The following VWA3B variants were observed in gnomAD, a reference collection of about 807,000 sequenced individuals.
VWA3B encodes the protein von Willebrand factor A domain containing 3B, also known as von Willebrand factor A domain-containing protein 3B.
Under a neutral mutation model 158.3 loss-of-function variants are expected in VWA3B, and 138 were observed. The ratio of observed to expected loss-of-function variants is 0.87; its 90% CI spans 0.76 to 1.00. The LOEUF (loss-of-function observed/expected upper bound fraction) is 1.00. Among genes scored for constraint, VWA3B ranks in the 50% least tolerant of loss-of-function variants. The probability of loss-of-function intolerance (pLI) is 0.00; values close to 1 mark genes in which losing one functional copy is unlikely to be tolerated. For synonymous variants in VWA3B, 596 were observed against 587.3 expected (o/e 1.01, Z -0.21); for missense variants, 1,555 against 1,565.1 (o/e 0.99, Z 0.11).
chr2:98,156,433 A>T (rs975227325), intron 7 of VWA3B, among the ~76,000 whole-genome samples: 2 of 152,184 alleles, frequency 1.3e-5, no homozygotes, highest in African/African-American at 4.8e-5. Context: ...CACGCACACA[A>T]CCATCCTCAC....
chr2:98,158,766 A>G (rs1678320478), intron 7 of VWA3B, among the ~76,000 whole-genome samples: 1 of 151,910 alleles, frequency 6.6e-6, no homozygotes, highest in Admixed American at 6.6e-5. Flanking sequence ...GGGTGGGTGC[A>G]GCGGAGGGCT....
chr2:98,173,171 G>A (rs1438905799), intron 8 of VWA3B, among the ~76,000 whole-genome samples: 1 of 152,062 alleles, frequency 6.6e-6, no homozygotes, highest in Non-Finnish European at 1.5e-5. Context: ...TTTGCTCAAA[G>A]AAGGCTGCAG....
chr2:98,216,597 A>G (rs908920726), intron 13 of VWA3B, among the ~76,000 whole-genome samples: 1 of 152,188 alleles, frequency 6.6e-6, no homozygotes, highest in African/African-American at 2.4e-5. Context: ...AAGGCTGCAC[A>G]GCTGATGTGT....
intron 8 of VWA3B, among the ~76,000 whole-genome samples, chr2:98,165,706 G>C (rs1277831101): frequency 2.0e-5 from 3 of 152,066 alleles, no homozygotes; most frequent in Admixed American, 1.3e-4. Context: ...TGGGTGTCCT[G>C]ACCTGGGCTT....
intron 21 of VWA3B, among the ~76,000 whole-genome samples, chr2:98,263,079 A>C (rs747216603): frequency 6.6e-6 from 1 of 151,730 alleles, no homozygotes; most frequent in African/African-American, 2.4e-5. Flanking sequence ...CTGATTGTTC[A>C]TTGTTAGTGT....
intron 1 of VWA3B, among the ~76,000 whole-genome samples, chr2:98,091,823 TCAGTTTA>T (rs2104802480): frequency 6.6e-6 from 1 of 152,334 alleles, no homozygotes; most frequent in African/African-American, 2.4e-5. Context: ...ATTCAGGGTA[TCAGTTTA>T]CATGCATTGT....
At chr2:98,272,471 T>C (rs957354291) in intron 22 of VWA3B, among the ~76,000 whole-genome samples, 2 of 152,138 alleles carry the variant, frequency 1.3e-5, no homozygotes, top group Non-Finnish European at 2.9e-5. Flanking sequence ...CCTGTCCTTT[T>C]GGGTTCTTAT....
At chr2:98,274,441 A>G (rs1048574908) in intron 22 of VWA3B, among the ~76,000 whole-genome samples, 4 of 152,138 alleles carry the variant, frequency 2.6e-5, no homozygotes, top group African/African-American at 7.2e-5. Context: ...CTGACTGGGC[A>G]GTTAGGGAAG....
intron 21 of VWA3B, among the ~76,000 whole-genome samples, 184 bp from the exon 22 acceptor site, chr2:98,270,498 A>G (rs1302271184): frequency 2.0e-5 from 3 of 152,228 alleles, no homozygotes; most frequent in Non-Finnish European, 4.4e-5. Flanking sequence ...GCAAGCTACC[A>G]AAGTCCTGAT....
chr2:98,235,855 G>T (rs1460187524), intron 17 of VWA3B, among the ~76,000 whole-genome samples: 1 of 152,140 alleles, frequency 6.6e-6, no homozygotes, highest in African/African-American at 2.4e-5. Context: ...TCTGAATGCT[G>T]CTCATTCAAC....
chr2:98,310,822 C>A (rs1205090716), intron 26 of VWA3B, among the ~76,000 whole-genome samples: 2 of 152,148 alleles, frequency 1.3e-5, no homozygotes, highest in African/African-American at 4.8e-5. Context: ...GTCGCCCAGG[C>A]CAATTTTTTA....
At chr2:98,198,198 T>C (rs544986251) in intron 12 of VWA3B, among the ~76,000 whole-genome samples, 2 of 152,284 alleles carry the variant, frequency 1.3e-5, no homozygotes, top group African/African-American at 2.4e-5. Flanking sequence ...ATGAACTTAT[T>C]TGCAACTTCT....
chr2:98,171,206 C>A (rs1228348660), intron 8 of VWA3B, among the ~76,000 whole-genome samples: 3 of 152,158 alleles, frequency 2.0e-5, no homozygotes, highest in Non-Finnish European at 4.4e-5. Context: ...AAATAAGAGA[C>A]ATGGAACGGG....
chr2:98,228,385 G>A (rs1352645748), intron 15 of VWA3B, 53 bp downstream of exon 15: 2 of 1,559,950 alleles, frequency 1.3e-6, no homozygotes, highest in Admixed American at 2.0e-5. Flanking sequence ...TGAGAGCTGG[G>A]CTTGCCCCCT....
At chr2:98,129,695 GTGTGTGTGTGTGTA>G (rs1321911618) in intron 6 of VWA3B, among the ~76,000 whole-genome samples, 2 of 150,844 alleles carry the variant, frequency 1.3e-5, no homozygotes, top group African/African-American at 4.9e-5. Flanking sequence ...CCCTGGGTCT[GTGTGTGTGTGTGTA>G]TGTGTGTGTG....
chr2:98,251,842 C>T (rs1296201766), intron 20 of VWA3B, among the ~76,000 whole-genome samples: 2 of 152,160 alleles, frequency 1.3e-5, no homozygotes, highest in Non-Finnish European at 2.9e-5. Flanking sequence ...TCGTTGCCCT[C>T]ACCCGAGAGT....
chr2:98,237,537 G>A (rs141681540), intron 19 of VWA3B, among the ~76,000 whole-genome samples: 370 of 152,256 alleles, frequency 2.4e-3, no homozygotes, highest in Non-Finnish European at 3.6e-3. Flanking sequence ...GGCGTGGTAG[G>A]GTTAAATGTG....
intron 19 of VWA3B, among the ~76,000 whole-genome samples, chr2:98,241,050 T>C (rs1686042724): frequency 6.6e-6 from 1 of 152,044 alleles, no homozygotes; most frequent in Admixed American, 6.5e-5. Context: ...AAGTTCTAGT[T>C]AAATGTGACG....
At chr2:98,315,374 T>C (rs1259633292), downstream of VWA3B, among the ~76,000 whole-genome samples, 1 of 152,216 alleles carries the variant, frequency 6.6e-6, no homozygotes, top group African/African-American at 2.4e-5. Flanking sequence ...ATGGCCACCC[T>C]ATATAATAGG....
Sources: gnomAD v4.1 joint callset for allele counts (sites outside exome capture counted in the v4.1 genomes callset) on GRCh38, gnomAD v4.1.1 for gene constraint, MANE v1.5 for transcripts, NCBI Gene and HGNC (gene_info 2026-07-23, HGNC 2026-07-21) for gene names.